ARMC9: variants seen among roughly 807,000 people sequenced by gnomAD.
The protein encoded by ARMC9 is lisH domain-containing protein ARMC9.
Under a neutral mutation model 107.0 loss-of-function variants are expected in ARMC9, and 94 were observed. The ratio of observed to expected loss-of-function variants is 0.88; its 90% CI spans 0.74 to 1.04. ARMC9 has a LOEUF of 1.04. Among genes scored for constraint, ARMC9 ranks in the 50% least tolerant of loss-of-function variants. The pLI is 0.00. For missense variants in ARMC9, 942 were observed against 1,030.1 expected, an observed-to-expected ratio of 0.91 and a Z score of 1.17; for synonymous variants, 380 against 396.9, an observed-to-expected ratio of 0.96 and a Z score of 0.51.
chr2:231,262,536 T>TG (rs1559369194), intron 12 of ARMC9, 138 bp downstream of exon 12: 1 of 819,530 alleles, frequency 1.2e-6, no homozygotes, highest in East Asian at 2.7e-5. Flanking sequence ...CATGAGGTTC[T>TG]GGGCATTGGC....
intron 20 of ARMC9, among the ~76,000 whole-genome samples, chr2:231,338,189 G>A (rs1176740784): frequency 1.3e-5 from 2 of 151,950 alleles, no homozygotes; most frequent in African/African-American, 4.8e-5. Flanking sequence ...TCTGTGGAAT[G>A]AGAATTAGAA....
intron 19 of ARMC9, among the ~76,000 whole-genome samples, chr2:231,319,805 A>G (rs2042901019): frequency 6.6e-6 from 1 of 152,142 alleles, no homozygotes; most frequent in Admixed American, 6.5e-5. Flanking sequence ...CTTGGACCAC[A>G]CGGGGACATG....
intron 19 of ARMC9, among the ~76,000 whole-genome samples, chr2:231,305,343 A>C (rs1559435461): frequency 6.6e-6 from 1 of 152,264 alleles, no homozygotes; most frequent in South Asian, 2.1e-4. Flanking sequence ...TTGTTCCAGG[A>C]TAAACCATGA....
At chr2:231,206,994 T>TA (rs1288364740) in intron 2 of ARMC9, among the ~76,000 whole-genome samples, 4 of 152,232 alleles carry the variant, frequency 2.6e-5, no homozygotes, top group Non-Finnish European at 5.9e-5. Flanking sequence ...TATTCTTTTT[T>TA]AAAAAATTTA....
At chr2:231,316,686 A>G (rs530167343) in intron 19 of ARMC9, among the ~76,000 whole-genome samples, 10 of 152,080 alleles carry the variant, frequency 6.6e-5, no homozygotes, top group African/African-American at 2.4e-4. Context: ...AGAAAGAAAA[A>G]AAAAGAATTC....
At chr2:231,254,282 G>A (rs2037557959) in intron 9 of ARMC9, among the ~76,000 whole-genome samples, 1 of 152,166 alleles carries the variant, frequency 6.6e-6, no homozygotes, top group South Asian at 2.1e-4. Flanking sequence ...CATAAGGCAT[G>A]AAGGCAAAGT....
intron 1 of ARMC9, chr2:231,198,997 G>A (rs1161095241): frequency 6.6e-6 from 1 of 152,256 alleles, no homozygotes; most frequent in African/African-American, 2.4e-5. Flanking sequence ...GGTCCCTCAA[G>A]CCATCCAGCT....
chr2:231,359,316 G>A (rs901376504), intron 22 of ARMC9, among the ~76,000 whole-genome samples: 6 of 151,870 alleles, frequency 4.0e-5, no homozygotes, highest in Non-Finnish European at 7.4e-5. Flanking sequence ...CAAACTCCTG[G>A]CCTCAAGTGA....
chr2:231,356,625 C>T (rs1439576273), intron 22 of ARMC9, among the ~76,000 whole-genome samples: 1 of 152,182 alleles, frequency 6.6e-6, no homozygotes, highest in Non-Finnish European at 1.5e-5. Context: ...GATTCAGACG[C>T]TTCCAGGCCC....
intron 11 of ARMC9, among the ~76,000 whole-genome samples, chr2:231,261,832 T>C (rs1364569547): frequency 6.6e-6 from 1 of 152,006 alleles, no homozygotes; most frequent in Non-Finnish European, 1.5e-5. Flanking sequence ...AGGTTCTTTT[T>C]TTTTTTTTGA....
intron 20 of ARMC9, among the ~76,000 whole-genome samples, chr2:231,339,058 G>C (rs1266700492): frequency 2.6e-5 from 4 of 152,158 alleles, no homozygotes; most frequent in Non-Finnish European, 5.9e-5. Flanking sequence ...GGCTGGGTGT[G>C]GTGGCTCACG....
chr2:231,352,023 A>G (rs761072489), intron 21 of ARMC9, among the ~76,000 whole-genome samples: 5 of 152,068 alleles, frequency 3.3e-5, no homozygotes, highest in Non-Finnish European at 7.4e-5. Context: ...GCTGGAGTAT[A>G]GCGGCACAAT....
intron 4 of ARMC9, 192 bp downstream of exon 4, chr2:231,215,193 G>T: frequency 3.5e-6 from 2 of 574,844 alleles, no homozygotes; most frequent in African/African-American, 3.8e-5. Flanking sequence ...TTTCTATGGA[G>T]ATTTAATAAT....
intron 18 of ARMC9, among the ~76,000 whole-genome samples, chr2:231,292,186 A>AT: frequency 6.6e-6 from 1 of 151,670 alleles, no homozygotes; most frequent in Admixed American, 6.6e-5. Flanking sequence ...AAAAAAAAAA[A>AT]GTTCCGCCAG....
rs919577127 is a variant in ARMC9 at position 231,374,868 on chromosome 2, T to C, written c.*3333T>C. 10 of 152,198 alleles carry C rather than the reference T, an allele frequency of 6.6e-5. No homozygotes were observed. The highest frequency in any genetic ancestry group is 2.4e-4 in the African/African-American group (10 of 41,438). The allele number at this position is 152,198 out of a possible 1,614,324, so 9.4% of individuals were successfully genotyped here. ...GAGTTTTGGGGTAGCCCTTTAAATT[T>C]TGTATGCAAGGTGAATACCTCACCC... On this transcript the variant is annotated 3_prime_UTR_variant, in exon 25 of 25. Coordinates refer to ENST00000611582, the MANE Select transcript of ARMC9 (RefSeq NM_001352754.2).
At chr2:231,303,792 C>T (rs1464913607) in intron 19 of ARMC9, among the ~76,000 whole-genome samples, 1 of 151,988 alleles carries the variant, frequency 6.6e-6, no homozygotes, top group African/African-American at 2.4e-5. Flanking sequence ...CAAAAATTAG[C>T]CGGGTGTGAT....
intron 1 of ARMC9, among the ~76,000 whole-genome samples, chr2:231,199,598 A>G (rs1400204026): frequency 6.6e-6 from 1 of 152,254 alleles, no homozygotes; most frequent in Non-Finnish European, 1.5e-5. Context: ...TATGAAGGTT[A>G]AATGTAAAAC....
intron 19 of ARMC9, among the ~76,000 whole-genome samples, chr2:231,326,479 G>A (rs943160998): frequency 3.3e-5 from 5 of 152,192 alleles, no homozygotes; most frequent in South Asian, 2.1e-4. Context: ...GATTGATCTG[G>A]GGCCTGCCTC....
At chr2:231,231,495 T>A (rs1160574420) in intron 7 of ARMC9, among the ~76,000 whole-genome samples, 1 of 152,068 alleles carries the variant, frequency 6.6e-6, no homozygotes, top group African/African-American at 2.4e-5. Flanking sequence ...GCGATTCTAG[T>A]GCCTCGGCCA....
Sources: gnomAD v4.1 joint callset for allele counts (sites outside exome capture counted in the v4.1 genomes callset) on GRCh38, gnomAD v4.1.1 for gene constraint, MANE v1.5 for transcripts, NCBI Gene and HGNC (gene_info 2026-07-23, HGNC 2026-07-21) for gene names.